IL18RAP: variants seen among roughly 807,000 people sequenced by gnomAD.
IL18RAP encodes interleukin 18 receptor accessory protein.
A neutral mutation model predicts 58.1 loss-of-function variants in IL18RAP; 37 were observed. The ratio of observed to expected loss-of-function variants is 0.64; its 90% confidence interval spans 0.49 to 0.84. The LOEUF (loss-of-function observed/expected upper bound fraction) is 0.84. Among genes scored for constraint, IL18RAP ranks in the 40% least tolerant of loss-of-function variants. IL18RAP has a pLI of 0.00. For missense variants in IL18RAP, 667 were observed against 704.8 expected, an observed-to-expected ratio of 0.95 and a Z score of 0.61; for synonymous variants, 268 against 257.5, an observed-to-expected ratio of 1.04 and a Z score of -0.39.
chr2:102,449,542 A>C (rs1228899498), intron 8 of IL18RAP, among the ~76,000 whole-genome samples: 2 of 152,140 alleles, frequency 1.3e-5, no homozygotes, highest in Non-Finnish European at 2.9e-5. Flanking sequence ...CTGGAGGCAG[A>C]ATCCAGTTTT....
In IL18RAP at chr2:102,444,076, C is replaced by T. The variant is rs114489432; in HGVS notation, c.920+753C>T. 3.3e-3 allele frequency among the ~76,000 whole-genome samples: 505 copies of T among 152,232 alleles called. 2 individuals are homozygous for T. The highest frequency in any genetic ancestry group is 5.4e-3 in the Non-Finnish European group (367 of 68,012). On this transcript the variant is annotated intron_variant, in intron 6 of 9. Transcript: ENST00000687160. ...CCAAAGGATGCATTCCCTGATTTTT[C>T]GAAGATGTGACCCAGAGTAAGAGTC...
chr2:102,452,100 A>T lies in IL18RAP; in HGVS notation c.1719A>T (p.Arg573Ser). The T allele has an allele frequency of 6.2e-7, 1 of 1,614,132 alleles. No individual in the cohort carries two copies. Among genetic ancestry groups the T allele is most frequent in the African/African-American group, 1.3e-5 (1 of 75,032 alleles). ...AGGGATTCACGTGGAACCAGCTCAG[A>T]ATTACCTCTAGGATTTTTCAGTGGA... is the stretch of plus-strand genomic sequence containing the variant. ...NSQGFTWNQL[R>S]ITSRIFQWKG... The change falls in exon 10 of 10, where the codon AGA (arginine) becomes AGT (serine). Residue 573 changes from arginine to serine, a missense_variant. Arg to Ser is a moderately radical substitution (Grantham distance 110). Coordinates refer to ENST00000687160, the MANE Select transcript of IL18RAP (RefSeq NM_001393487.1).
intron 3 of IL18RAP, among the ~76,000 whole-genome samples, chr2:102,431,381 T>G (rs530562822): frequency 6.6e-6 from 1 of 152,248 alleles, no homozygotes; most frequent in Non-Finnish European, 1.5e-5. Context: ...GACAATTTGA[T>G]TATGATGTAT....
At chr2:102,430,760 C>T (rs1325665586) in intron 3 of IL18RAP, among the ~76,000 whole-genome samples, 3 of 152,098 alleles carry the variant, frequency 2.0e-5, no homozygotes, top group Non-Finnish European at 2.9e-5. Flanking sequence ...TTCCATAAAA[C>T]ACTTCATAAC....
intron 3 of IL18RAP, among the ~76,000 whole-genome samples, chr2:102,431,890 A>G (rs1682389101): frequency 6.6e-6 from 1 of 151,894 alleles, no homozygotes; most frequent in Admixed American, 6.6e-5. Context: ...CTTTAAGAGG[A>G]TTATTCTGAA....
At chr2:102,428,929 A>C (rs1249576154) in intron 3 of IL18RAP, among the ~76,000 whole-genome samples, 2 of 151,970 alleles carry the variant, frequency 1.3e-5, no homozygotes, top group African/African-American at 4.8e-5. Context: ...GATTTTGTCA[A>C]ATGATATTTC....
At chr2:102,420,523 T>C (rs1325493988), upstream of IL18RAP, among the ~76,000 whole-genome samples, 2 of 152,166 alleles carry the variant, frequency 1.3e-5, no homozygotes, top group Non-Finnish European at 2.9e-5. Flanking sequence ...GCAGTATCTG[T>C]CATCTCAAGG....
chr2:102,446,696 G>A (rs1041223390), intron 7 of IL18RAP, among the ~76,000 whole-genome samples: 1 of 151,810 alleles, frequency 6.6e-6, no homozygotes, highest in Non-Finnish European at 1.5e-5. Flanking sequence ...AGTTACTTGG[G>A]AGGCTGAGGC....
intron 8 of IL18RAP, among the ~76,000 whole-genome samples, chr2:102,448,810 T>C (rs1424969511): frequency 2.0e-5 from 3 of 151,826 alleles, no homozygotes; most frequent in Admixed American, 1.3e-4. Context: ...AATTTTTTAA[T>C]GTTAGCTGGG....
At chr2:102,438,573 T>C (rs1327637079) in intron 4 of IL18RAP, 1 of 152,176 alleles carries the variant, frequency 6.6e-6, no homozygotes, top group Non-Finnish European at 1.5e-5. Context: ...GTTCTTTAAC[T>C]CAGCCATCAC....
intron 6 of IL18RAP, among the ~76,000 whole-genome samples, chr2:102,444,288 T>A (rs1438095305): frequency 6.6e-6 from 1 of 152,164 alleles, no homozygotes; most frequent in East Asian, 1.9e-4. Context: ...TGCATTAGAG[T>A]TCACAGTAGG....
At chr2:102,424,834 A>C (rs911110757) in intron 3 of IL18RAP, among the ~76,000 whole-genome samples, 1 of 152,218 alleles carries the variant, frequency 6.6e-6, no homozygotes, top group Admixed American at 6.5e-5. Flanking sequence ...ATACATTCCC[A>C]AAAGACAGCT....
chr2:102,418,765 A>G (rs1174514506), upstream of IL18RAP: 1 of 152,352 alleles, frequency 6.6e-6, no homozygotes, highest in Non-Finnish European at 1.5e-5. Context: ...GAGCTGGTGT[A>G]ACGTGGCTAT....
chr2:102,451,869 A>G lies in IL18RAP; in HGVS notation c.1488A>G (p.Ala496=). Residue 496 remains alanine, a synonymous_variant, in exon 10 of 10, where the codon GCA becomes GCG. Coordinates refer to ENST00000687160, the MANE Select transcript of IL18RAP (RefSeq NM_001393487.1). The part of the protein sequence containing the change: ...VNGPSIFELQ[A]AVNLALDDQT... ...GACCCAGTATCTTTGAACTACAAGC[A>G]GCAGTGAATCTTGCCTTGGATGATC... The G allele has an allele frequency of 6.2e-7, 1 of 1,614,212 alleles. No individual in the cohort carries two copies. The highest frequency in any genetic ancestry group is 8.5e-7 in the Non-Finnish European group (1 of 1,180,024).
At chr2:102,448,556 C>T (rs1039380356) in intron 8 of IL18RAP, among the ~76,000 whole-genome samples, 5 of 152,084 alleles carry the variant, frequency 3.3e-5, no homozygotes, top group African/African-American at 4.8e-5. Context: ...CAGGATTTCA[C>T]GGATAATTAT....
intron 6 of IL18RAP, 66 bp from the exon 7 acceptor site, chr2:102,445,123 C>T (rs1017050924): frequency 1.4e-5 from 21 of 1,474,966 alleles, no homozygotes; most frequent in Non-Finnish European, 1.9e-5. Flanking sequence ...TATACGTGTT[C>T]CAAATGCTGC....
chr2:102,428,784 CT>C (rs1432005944), intron 3 of IL18RAP, among the ~76,000 whole-genome samples: 1 of 151,782 alleles, frequency 6.6e-6, no homozygotes, highest in Non-Finnish European at 1.5e-5. Context: ...TTTTGTTAAT[CT>C]GTTCTTAGAG....
chr2:102,438,425 G>T (rs1320189709), intron 4 of IL18RAP, among the ~76,000 whole-genome samples: 2 of 152,122 alleles, frequency 1.3e-5, no homozygotes, highest in African/African-American at 2.4e-5. Flanking sequence ...TAGCACTTCA[G>T]AATTATTTTA....
intron 3 of IL18RAP, among the ~76,000 whole-genome samples, chr2:102,427,224 T>C (rs1038780707): frequency 2.0e-5 from 3 of 152,128 alleles, no homozygotes; most frequent in Non-Finnish European, 2.9e-5. Flanking sequence ...AGGAGCGTAG[T>C]TAACCCTTTG....
Sources: gnomAD v4.1 joint callset for allele counts (sites outside exome capture counted in the v4.1 genomes callset) on GRCh38, gnomAD v4.1.1 for gene constraint, MANE v1.5 for transcripts, NCBI Gene and HGNC (gene_info 2026-07-23, HGNC 2026-07-21) for gene names.